The following ECT2 variants were observed in gnomAD, a reference collection of about 807,000 sequenced individuals.
ECT2 encodes the protein epithelial cell transforming 2, also known as protein ECT2.
ECT2 carries 61 observed loss-of-function variants against 116.9 expected under a neutral mutation model. That is an observed-to-expected ratio of 0.52 (90% CI 0.42 to 0.65). The LOEUF (loss-of-function observed/expected upper bound fraction) is 0.65. ECT2 is among the 30% of genes least tolerant of loss of function. The pLI is 0.00. For missense variants in ECT2, 937 were observed against 1,078.7 expected, an observed-to-expected ratio of 0.87 and a Z score of 1.84; for synonymous variants, 358 against 346.4, an observed-to-expected ratio of 1.03 and a Z score of -0.37.
At chr3:172,784,617 A>G (rs1033049940) in intron 16 of ECT2, 90 bp from the exon 17 acceptor site, 2 of 877,576 alleles carry the variant, frequency 2.3e-6, no homozygotes, top group African/African-American at 1.7e-5. Context: ...TGTATCACAG[A>G]CACTAATGAT....
At chr3:172,752,424 G>C (rs974410438) in intron 1 of ECT2, 2 of 151,940 alleles carry the variant, frequency 1.3e-5, no homozygotes, top group Admixed American at 6.6e-5. Context: ...CACCGCGTCC[G>C]GCCTTTCAAA....
At position 172,755,590 on chromosome 3, in the gene ECT2, C is replaced by A; in HGVS notation, c.303+15C>A. The A allele has an allele frequency of 1.5e-6, 2 of 1,302,600 alleles. No individual in the cohort carries two copies. The highest frequency in any genetic ancestry group is 2.1e-6 in the Non-Finnish European group (2 of 957,252). 80.7% of individuals were successfully genotyped at this position (1,302,600 alleles called of 1,614,324 possible). ...TTATTAATATGGTAGGTCAAAGTAA[C>A]TCATTGCATGTGGCATGCTGCACTT... On this transcript the variant is annotated intron_variant, in intron 4 of 24. Transcript: ENST00000392692.
chr3:172,758,886 C>A, intron 5 of ECT2, 94 bp from the exon 6 acceptor site: 2 of 1,079,822 alleles, frequency 1.9e-6, no homozygotes, highest in Non-Finnish European at 2.7e-6. Context: ...AGTTGAATGG[C>A]AAGAGGGGAA....
chr3:172,792,166 C>T (rs1394623893), intron 18 of ECT2, among the ~76,000 whole-genome samples: 6 of 152,166 alleles, frequency 3.9e-5, no homozygotes, highest in Admixed American at 6.5e-5. Context: ...TCAAAGATCA[C>T]TGATCACAGC....
chr3:172,756,688 TTGA>T (rs1483839406), intron 4 of ECT2, among the ~76,000 whole-genome samples: 21 of 152,196 alleles, frequency 1.4e-4, no homozygotes, highest in African/African-American at 3.9e-4. Context: ...TTATGCATAC[TTGA>T]TGATTTATGA....
At chr3:172,773,860 T>C in intron 13 of ECT2, 43 bp from the exon 14 acceptor site, 1 of 1,584,786 alleles carries the variant, frequency 6.3e-7, no homozygotes, top group South Asian at 1.1e-5. Context: ...AGCTCTTTTC[T>C]TTTTCCCACA....
chr3:172,801,637 G>C (rs1291281079), intron 18 of ECT2, among the ~76,000 whole-genome samples: 1 of 152,178 alleles, frequency 6.6e-6, no homozygotes, highest in Non-Finnish European at 1.5e-5. Flanking sequence ...TGATCACACT[G>C]GACTCCCACA....
chr3:172,818,503 A>G lies in ECT2; in HGVS notation c.2656-1645A>G, dbSNP rs11926009. On this transcript the variant is annotated intron_variant, in intron 24 of 24. Transcript: ENST00000392692. Reference sequence around the variant, plus strand: ...GTAAGAAGCAGCTAAAATACCTTCAAGACATTAATGTCATCTTCTCAATTG... The same window carrying G: ...GTAAGAAGCAGCTAAAATACCTTCAGGACATTAATGTCATCTTCTCAATTG... 0.013 allele frequency: 14,405 copies of G among 1,151,658 alleles called. 1,445 individuals are homozygous for G. In the African/African-American group the frequency reaches 0.21, roughly 17 times the overall value. 71.3% of individuals were successfully genotyped at this position (1,151,658 alleles called of 1,614,324 possible). A position where few individuals can be genotyped will look rare whatever the true frequency, so the allele number is the denominator to read the frequency against.
chr3:172,765,117 G>C (rs919549850), intron 12 of ECT2, among the ~76,000 whole-genome samples: 3 of 152,120 alleles, frequency 2.0e-5, no homozygotes, highest in African/African-American at 7.2e-5. Flanking sequence ...GAATTACTTT[G>C]ATCTATTGTC....
At chr3:172,768,167 G>T (rs1054794757) in intron 12 of ECT2, among the ~76,000 whole-genome samples, 4 of 151,946 alleles carry the variant, frequency 2.6e-5, no homozygotes, top group South Asian at 2.1e-4. Flanking sequence ...GGTTTTTTGT[G>T]GGGGGGCTTC....
At chr3:172,778,588 C>CTTT (rs5854485) in intron 14 of ECT2, among the ~76,000 whole-genome samples, 624 of 59,656 alleles carry the variant, frequency 0.01, 35 homozygotes, top group African/African-American at 0.028. Context: ...TATTAGCTAT[C>CTTT]TTTTTTTTTT....
At chr3:172,776,190 AGTTTTTTCT>A (rs1721645627) in intron 14 of ECT2, among the ~76,000 whole-genome samples, 1 of 113,520 alleles carries the variant, frequency 8.8e-6, no homozygotes, top group Non-Finnish European at 1.7e-5. Flanking sequence ...TTAGTTTTTC[AGTTTTTTCT>A]TTTTTTTTTT....
chr3:172,789,829 A>G (rs1724321981), intron 18 of ECT2, among the ~76,000 whole-genome samples: 1 of 152,216 alleles, frequency 6.6e-6, no homozygotes, highest in Non-Finnish European at 1.5e-5. Context: ...GCAGCAATTC[A>G]GTCCCATCTT....
chr3:172,761,144 T>G (rs1718207719), intron 7 of ECT2, among the ~76,000 whole-genome samples: 1 of 152,208 alleles, frequency 6.6e-6, no homozygotes, highest in South Asian at 2.1e-4. Context: ...AAGATTATAG[T>G]TGAATGTCTT....
intron 14 of ECT2, among the ~76,000 whole-genome samples, chr3:172,779,560 A>T (rs1039898430): frequency 2.0e-5 from 3 of 152,192 alleles, no homozygotes; most frequent in Non-Finnish European, 4.4e-5. Context: ...ATTATTTTTT[A>T]ACAGCTTTAC....
intron 14 of ECT2, among the ~76,000 whole-genome samples, chr3:172,781,822 G>A (rs1419102617): frequency 1.3e-5 from 2 of 151,976 alleles, no homozygotes. Context: ...CATTTTTAGA[G>A]TTTCTTAGAT....
intron 4 of ECT2, 40 bp downstream of exon 4, chr3:172,755,615 TC>T (rs1221135352): frequency 9.5e-7 from 1 of 1,050,720 alleles, no homozygotes; most frequent in African/African-American, 1.6e-5. Context: ...ATGCTGCACT[TC>T]CCTTGATTGT....
intron 17 of ECT2, 113 bp from the exon 18 acceptor site, chr3:172,786,380 A>G: frequency 1.5e-6 from 1 of 647,380 alleles, no homozygotes. Flanking sequence ...TTTAAAAAAT[A>G]AGGATTGAAT....
intron 18 of ECT2, among the ~76,000 whole-genome samples, chr3:172,800,014 C>G (rs908391949): frequency 1.3e-5 from 2 of 152,162 alleles, no homozygotes; most frequent in Non-Finnish European, 2.9e-5. Flanking sequence ...ATCTTCCCCA[C>G]AATGTGGGAT....
Sources: allele counts gnomAD v4.1 joint callset (sites outside exome capture counted in the v4.1 genomes callset), GRCh38; gene constraint gnomAD v4.1.1; transcripts MANE v1.5; gene names NCBI Gene and HGNC (gene_info 2026-07-23, HGNC 2026-07-21).